The following DCP1B variants were observed in gnomAD, a reference collection of about 807,000 sequenced individuals.
DCP1B encodes the protein decapping mRNA 1B, also known as mRNA-decapping enzyme 1B.
DCP1B carries 47 observed loss-of-function variants against 60.5 expected under a neutral mutation model. That is an observed-to-expected ratio of 0.78 (90% CI 0.61 to 0.99). The LOEUF (loss-of-function observed/expected upper bound fraction) is 0.99, where lower values mean the gene tolerates loss of function less well. Among genes scored for constraint, DCP1B ranks in the 50% least tolerant of loss-of-function variants. The pLI is 0.00. For synonymous variants in DCP1B, 267 were observed against 280.3 expected (o/e 0.95, Z 0.47); for missense variants, 725 against 756.8 (o/e 0.96, Z 0.49).
chr12:1,942,339 G>C (rs2030300458), downstream of DCP1B, among the ~76,000 whole-genome samples: 1 of 152,144 alleles, frequency 6.6e-6, no homozygotes, highest in South Asian at 2.1e-4. Flanking sequence ...CATAATAATA[G>C]TGGGAGACTT....
At position 1,971,288 on chromosome 12, in the gene DCP1B, C is replaced by A; in HGVS notation, c.320-3378G>T. 2 of 726,994 alleles carry A rather than the reference C, an allele frequency of 2.8e-6. No homozygotes were observed. The highest frequency in any genetic ancestry group is 2.0e-6 in the Non-Finnish European group (1 of 498,886). The allele number at this position is 726,994 out of a possible 1,614,324, so 45.0% of individuals were successfully genotyped here. A position where few individuals can be genotyped will look rare whatever the true frequency, so the allele number is the denominator to read the frequency against. On this transcript the variant is annotated intron_variant, in intron 3 of 8. Transcript: ENST00000280665. This position sits in a 1 kb window ranked among gnomAD's most constrained non-coding sequence, Gnocchi z 4.2. The stretch of plus-strand genomic sequence containing the variant: ...CCTAATGATACCTAGAATGTGACTT[C>A]CTCACTCTAAGAACTCATCTCTCCA...
At chr12:1,996,074 A>G (rs1359107144) in intron 2 of DCP1B, among the ~76,000 whole-genome samples, 1 of 152,084 alleles carries the variant, frequency 6.6e-6, no homozygotes, top group Non-Finnish European at 1.5e-5. Flanking sequence ...CACCATTGCA[A>G]TACCCTTTCC....
chr12:2,004,420 C>T lies in DCP1B; in HGVS notation c.12G>A (p.Val4=), dbSNP rs569328671. Reference sequence around the variant, plus strand: ...CCTTTCCCACCAGGCCGCCTGCCGCCACGGCTGCCATCTTCCCTCCCTCCC... The same window carrying T: ...CCTTTCCCACCAGGCCGCCTGCCGCTACGGCTGCCATCTTCCCTCCCTCCC... MAA[V]AAGGLVGKGR... is the part of the protein sequence containing the mutation. Residue 4 remains valine (V), a synonymous_variant, in exon 1 of 9, where the codon GTG becomes GTA. Transcript: ENST00000280665. The T allele has an allele frequency of 3.5e-5, 56 of 1,609,838 alleles. No individual in the cohort carries two copies. In the South Asian group the frequency reaches 5.2e-4, roughly 15 times the overall value.
Position 1,952,945 on chromosome 12 carries a change from A to C in DCP1B, c.995T>G (p.Val332Gly), listed in dbSNP as rs1213254029. Reference sequence around the variant, plus strand: ...AATGTTGTGAGGAGACCCTGGCTGGACAGGTCCTGTAAAAAATTCTCCCGC... The same window carrying C: ...AATGTTGTGAGGAGACCCTGGCTGGCCAGGTCCTGTAAAAAATTCTCCCGC... ...HSAGEFFTGP[V>G]QPGSPHNIGT... Residue 332 changes from valine to glycine, a missense_variant, in exon 7 of 9, where the codon GTC becomes GGC. Transcript: ENST00000280665. 1 of 1,614,130 alleles carries C rather than the reference A, an allele frequency of 6.2e-7. No individual in the cohort carries two copies. The highest frequency in any genetic ancestry group is 8.5e-7 in the Non-Finnish European group (1 of 1,179,988).
intron 1 of DCP1B, among the ~76,000 whole-genome samples, chr12:2,003,862 C>T (rs1565893628): frequency 1.3e-5 from 2 of 152,154 alleles, no homozygotes; most frequent in Non-Finnish European, 2.9e-5. Context: ...ACTGACATTC[C>T]AAAATCAGAA....
chr12:1,958,264 T>C (rs1459660199), intron 5 of DCP1B, among the ~76,000 whole-genome samples: 33 of 117,972 alleles, frequency 2.8e-4, no homozygotes, highest in Admixed American at 7.2e-4. Context: ...TCCCCAACGT[T>C]GCTCTGGGTA....
At chr12:2,000,259 AT>A (rs2041880913) in intron 1 of DCP1B, among the ~76,000 whole-genome samples, 1 of 152,234 alleles carries the variant, frequency 6.6e-6, no homozygotes, top group Non-Finnish European at 1.5e-5. Flanking sequence ...GATACAGGTG[AT>A]AGAACTAGGA....
intron 8 of DCP1B, among the ~76,000 whole-genome samples, chr12:1,946,821 T>A (rs1209393198): frequency 2.0e-5 from 3 of 152,166 alleles, no homozygotes; most frequent in Non-Finnish European, 2.9e-5. Flanking sequence ...CACCTCAGCC[T>A]CCAGAGTAGC....
At chr12:1,955,153 G>C (rs1245411439) in intron 6 of DCP1B, among the ~76,000 whole-genome samples, 1 of 152,164 alleles carries the variant, frequency 6.6e-6, no homozygotes, top group Non-Finnish European at 1.5e-5. Context: ...CACTGTGCTG[G>C]CTTGTTGTTT....
At position 1,992,585 on chromosome 12, in the gene DCP1B, T is replaced by C. The variant is rs12816815; in HGVS notation, c.319+679A>G. 7.0e-3 allele frequency: 1,093 copies of C among 156,084 alleles called. 9 individuals carry two copies. The highest frequency in any genetic ancestry group is 0.016 in the Admixed American group (253 of 16,000). 9.7% of individuals were successfully genotyped at this position (156,084 alleles called of 1,614,324 possible). A position where few individuals can be genotyped will look rare whatever the true frequency, so the allele number is the denominator to read the frequency against. Reference sequence around the variant, plus strand: ...TGTAGAGATGTCCCTGCAACTGGCATATTTTCAGCAATCTTCCTCTGGGCT... The same window carrying C: ...TGTAGAGATGTCCCTGCAACTGGCACATTTTCAGCAATCTTCCTCTGGGCT... On this transcript the variant is annotated intron_variant, in intron 3 of 8. Transcript: ENST00000280665.
At chr12:1,991,136 A>G in intron 3 of DCP1B, 1 of 456,252 alleles carries the variant, frequency 2.2e-6, no homozygotes, top group Non-Finnish European at 4.4e-6. Flanking sequence ...ATTTGCATCC[A>G]TGTTTAATAG....
Position 2,004,120 on chromosome 12 carries a change from C to T in DCP1B, c.150+162G>A, listed in dbSNP as rs896604690. On this transcript the variant is annotated intron_variant, in intron 1 of 8. Coordinates refer to ENST00000280665, the MANE Select transcript of DCP1B (RefSeq NM_152640.5). ...AGATCCGCCTTCCTTCCCCCAAACCCCCGAGACCCCATCTCCACAACTTCG... is the reference window on the plus strand; with the variant it reads ...AGATCCGCCTTCCTTCCCCCAAACCTCCGAGACCCCATCTCCACAACTTCG... 4 of 1,026,878 alleles carry T rather than the reference C, an allele frequency of 3.9e-6. No individual in the cohort carries two copies. In the African/African-American group the frequency reaches 6.4e-5, roughly 16 times the overall value. The allele number at this position is 1,026,878 out of a possible 1,614,324, so 63.6% of individuals were successfully genotyped here. A position where few individuals can be genotyped will look rare whatever the true frequency, so the allele number is the denominator to read the frequency against.
intron 3 of DCP1B, among the ~76,000 whole-genome samples, chr12:1,970,491 T>C (rs114285334): frequency 0.021 from 3,181 of 152,242 alleles, 105 homozygotes; most frequent in African/African-American, 0.073. Context: ...CTAACTTTCT[T>C]CTCCCTAAAA....
chr12:1,989,452 C>A (rs760243872), intron 3 of DCP1B, among the ~76,000 whole-genome samples: 1 of 152,210 alleles, frequency 6.6e-6, no homozygotes, highest in African/African-American at 2.4e-5. Context: ...TGGTGGCTCA[C>A]GCCTATAATC....
intron 2 of DCP1B, among the ~76,000 whole-genome samples, chr12:1,994,021 A>G (rs760527412): frequency 5.3e-5 from 8 of 151,988 alleles, no homozygotes; most frequent in African/African-American, 9.7e-5. Context: ...ATAAACCACT[A>G]TAAGTTTTTC....
intron 7 of DCP1B, among the ~76,000 whole-genome samples, chr12:1,951,909 G>A (rs1365162109): frequency 6.6e-6 from 1 of 152,176 alleles, no homozygotes. Context: ...AAAAATTACG[G>A]TTTTCTCCCA....
At position 1,969,100 on chromosome 12, in the gene DCP1B, T is replaced by A. The variant is rs554622713; in HGVS notation, c.320-1190A>T. Among the ~76,000 whole-genome samples, 395 of 152,274 alleles carry A rather than the reference T, an allele frequency of 2.6e-3. 1 individual carries two copies. Among genetic ancestry groups the A allele is most frequent in the African/African-American group, 9.1e-3 (378 of 41,540 alleles). On this transcript the variant is annotated intron_variant, in intron 3 of 8. Transcript: ENST00000280665. The stretch of plus-strand genomic sequence containing the variant: ...TAGGGCAATGAAAACCAACAAAACA[T>A]GTTTTTACAAGGGAAAAAAGACTTT...
rs188178720 is a variant in DCP1B at position 1,962,445 on chromosome 12, G to A, written c.522+3113C>T. 1.8e-3 allele frequency among the ~76,000 whole-genome samples: 277 copies of A among 152,284 alleles called. 1 individual carries two copies. Among genetic ancestry groups the A allele is most frequent in the Middle Eastern group, 6.8e-3 (2 of 294 alleles). On this transcript the variant is annotated intron_variant, in intron 5 of 8. Transcript: ENST00000280665. This position sits in a 1 kb window ranked among gnomAD's most constrained non-coding sequence, Gnocchi z 4.4. ...ATACAAGGTATGTGTGTGTTGAGAG[G>A]AGGGAGGGAAAGAAAGGAAAATAAT...
intron 3 of DCP1B, among the ~76,000 whole-genome samples, chr12:1,983,821 A>C (rs1357858093): frequency 2.6e-5 from 4 of 151,886 alleles, no homozygotes; most frequent in Non-Finnish European, 5.9e-5. Context: ...GGAGCACTAA[A>C]TTCTCCAAGT....
Sources: allele counts gnomAD v4.1 joint callset (sites outside exome capture counted in the v4.1 genomes callset), GRCh38; gene constraint gnomAD v4.1.1; non-coding constraint Gnocchi (gnomAD v3.1); transcripts MANE v1.5; gene names NCBI Gene and HGNC (gene_info 2026-07-23, HGNC 2026-07-21).